Variants in WDPCP observed in about 807,000 individuals in gnomAD.
WDPCP encodes WD repeat-containing and planar cell polarity effector protein fritz homolog.
WDPCP carries 71 observed loss-of-function variants against 93.1 expected under a neutral mutation model. The observed-to-expected ratio is 0.76, with a 90% CI of 0.63 to 0.93. The LOEUF (loss-of-function observed/expected upper bound fraction) is 0.93. WDPCP is among the 40% of genes least tolerant of loss of function. The pLI is 0.00. For synonymous variants in WDPCP, 315 were observed against 315.0 expected (o/e 1.00, Z 0.00); for missense variants, 844 against 887.4 (o/e 0.95, Z 0.62).
At chr2:63,350,657 T>C (rs1400893239) in intron 12 of WDPCP, among the ~76,000 whole-genome samples, 1 of 152,068 alleles carries the variant, frequency 6.6e-6, no homozygotes, top group Non-Finnish European at 1.5e-5. Context: ...GTATAGGGTA[T>C]GTTGAAAGAG....
chr2:63,494,375 C>T (rs1212874244), intron 1 of WDPCP, among the ~76,000 whole-genome samples: 1 of 152,148 alleles, frequency 6.6e-6, no homozygotes, highest in Non-Finnish European at 1.5e-5. Context: ...CAACAGATAA[C>T]ACTTACTTGT....
chr2:63,588,988 C>T (rs1709079687), upstream of WDPCP: 38 of 1,613,976 alleles, frequency 2.4e-5, no homozygotes, highest in Non-Finnish European at 3.1e-5. Flanking sequence ...TAGAGGTGAC[C>T]TGACTCTCTG....
chr2:63,139,584 AT>A (rs1158865826), intron 17 of WDPCP, among the ~76,000 whole-genome samples: 3 of 151,894 alleles, frequency 2.0e-5, no homozygotes, highest in African/African-American at 7.3e-5. Context: ...GATGTTGAGC[AT>A]TTTTTCATGT....
chr2:63,833,126 G>A, the WDPCP span, among the ~76,000 whole-genome samples: 8 of 152,128 alleles, frequency 5.3e-5, no homozygotes, highest in East Asian at 1.9e-4. Context: ...GGTGGCAGGC[G>A]CCTGTAATCC....
At chr2:63,618,338 G>A (rs1461658109) in intron 3 of WDPCP, among the ~76,000 whole-genome samples, 1 of 152,152 alleles carries the variant, frequency 6.6e-6, no homozygotes, top group South Asian at 2.1e-4. Flanking sequence ...TAGCTTAACG[G>A]GAAGTACAAT....
rs563856347 is a variant in WDPCP at position 63,344,988 on chromosome 2, T to C, written c.1749-31677A>G. ...CTTCATTAAGCACTCACCTGATTGC[T>C]CTGTTTCATTAGATTCTTTATAATC... On this transcript the variant is annotated intron_variant, in intron 12 of 17. Coordinates refer to ENST00000272321, the MANE Select transcript of WDPCP (RefSeq NM_015910.7). Among the ~76,000 whole-genome samples the C allele has an allele frequency of 6.6e-5, 10 of 152,326 alleles. No homozygotes were observed. In the South Asian group the frequency reaches 1.9e-3, roughly 28 times the overall value.
At chr2:63,171,916 A>C (rs1471535464) in intron 15 of WDPCP, among the ~76,000 whole-genome samples, 1 of 152,228 alleles carries the variant, frequency 6.6e-6, no homozygotes, top group Non-Finnish European at 1.5e-5. Flanking sequence ...AAGTGAAAGA[A>C]GCCAGATACA....
intron 10 of WDPCP, chr2:63,403,604 T>G (rs1233913846): frequency 7.1e-5 from 11 of 155,240 alleles, no homozygotes; most frequent in Admixed American, 5.7e-4. Flanking sequence ...TCTTTTCTTT[T>G]AAAACACTTG....
chr2:63,710,344 A>G (rs1669244093), intron 2 of WDPCP, among the ~76,000 whole-genome samples: 1 of 152,200 alleles, frequency 6.6e-6, no homozygotes, highest in African/African-American at 2.4e-5. Context: ...AGTTCTCTCC[A>G]TACGCTTTGT....
intron 3 of WDPCP, chr2:63,599,165 C>T: frequency 6.2e-7 from 1 of 1,613,166 alleles, no homozygotes; most frequent in Non-Finnish European, 8.5e-7. Flanking sequence ...TTCCATTCCT[C>T]CTAGGTTATT....
chr2:63,682,035 T>C (rs1668708906), intron 2 of WDPCP, among the ~76,000 whole-genome samples: 1 of 152,330 alleles, frequency 6.6e-6, no homozygotes, highest in Non-Finnish European at 1.5e-5. Flanking sequence ...TCAAGTCCTT[T>C]TGAATACATG....
chr2:63,555,518 G>A (rs1022854795), intron 1 of WDPCP, among the ~76,000 whole-genome samples: 10 of 152,174 alleles, frequency 6.6e-5, no homozygotes, highest in African/African-American at 2.4e-4. Flanking sequence ...AGTGGGTCCC[G>A]GATCCCGTGC....
At chr2:63,210,091 A>G (rs899867639) in intron 14 of WDPCP, among the ~76,000 whole-genome samples, 1 of 151,988 alleles carries the variant, frequency 6.6e-6, no homozygotes, top group Admixed American at 6.6e-5. Context: ...TTTGAAAACA[A>G]TGGCTATGCT....
At chr2:63,761,522 T>C (rs902440786) in intron 2 of WDPCP, among the ~76,000 whole-genome samples, 1 of 152,038 alleles carries the variant, frequency 6.6e-6, no homozygotes, top group Non-Finnish European at 1.5e-5. Flanking sequence ...ACTCACGCAA[T>C]CACAATAGGC....
intron 12 of WDPCP, among the ~76,000 whole-genome samples, chr2:63,368,486 T>C (rs903395836): frequency 2.6e-5 from 4 of 151,826 alleles, no homozygotes. Flanking sequence ...CCACCATGCC[T>C]GGCTAATTTT....
rs187185416 is a variant in WDPCP at position 63,166,935 on chromosome 2, C to T, written c.2078+7735G>A. Among the ~76,000 whole-genome samples the T allele has an allele frequency of 7.6e-4, 115 of 152,118 alleles. 1 individual carries two copies. Among genetic ancestry groups the T allele is most frequent in the African/African-American group, 2.5e-3 (104 of 41,502 alleles). On this transcript the variant is annotated intron_variant, in intron 15 of 17. Coordinates refer to ENST00000272321, the MANE Select transcript of WDPCP (RefSeq NM_015910.7). Reference sequence around the variant, plus strand: ...TATTTTTGTACCCATTAACCATCCCCACCGCCATCAATTACCTTTCACAGC... The same window carrying T: ...TATTTTTGTACCCATTAACCATCCCTACCGCCATCAATTACCTTTCACAGC...
At chr2:63,715,929 G>A (rs929825667) in intron 2 of WDPCP, among the ~76,000 whole-genome samples, 4 of 152,218 alleles carry the variant, frequency 2.6e-5, no homozygotes, top group Admixed American at 2.0e-4. Context: ...TTTGAGGGAT[G>A]TCACACGAGG....
intron 12 of WDPCP, among the ~76,000 whole-genome samples, chr2:63,353,764 C>T (rs563852045): frequency 6.6e-6 from 1 of 152,328 alleles, no homozygotes; most frequent in East Asian, 1.9e-4. Context: ...GAGGGAAAGG[C>T]AGGCTGCCAT....
At chr2:63,739,085 G>A (rs1394071519) in intron 2 of WDPCP, among the ~76,000 whole-genome samples, 1 of 151,876 alleles carries the variant, frequency 6.6e-6, no homozygotes, top group African/African-American at 2.4e-5. Context: ...TTGTTATATA[G>A]GTAAATACAT....
Sources: allele counts gnomAD v4.1 joint callset (sites outside exome capture counted in the v4.1 genomes callset), GRCh38; gene constraint gnomAD v4.1.1; transcripts MANE v1.5; gene names NCBI Gene and HGNC (gene_info 2026-07-23, HGNC 2026-07-21).